Variants in DCAF5 observed in about 807,000 individuals in gnomAD.
DCAF5 encodes DDB1 and CUL4 associated factor 5, also known as DDB1- and CUL4-associated factor 5.
A neutral mutation model predicts 80.7 loss-of-function variants in DCAF5; 9 were observed. That is an observed-to-expected ratio of 0.11 (90% confidence interval 0.07 to 0.19). The LOEUF is 0.19. Ranked by LOEUF, DCAF5 falls within the 10% of genes least tolerant of loss-of-function variation. DCAF5 has a pLI of 1.00. For synonymous variants in DCAF5, 433 were observed against 461.9 expected (o/e 0.94, Z 0.80); for missense variants, 842 against 1,205.7 (o/e 0.70, Z 4.47).
At chr14:69,072,568 T>C (rs1273124800) in intron 7 of DCAF5, among the ~76,000 whole-genome samples, 3 of 146,194 alleles carry the variant, frequency 2.1e-5, no homozygotes, top group Non-Finnish European at 4.5e-5. Flanking sequence ...GCTATGATTG[T>C]GCCTGTGAAT....
At chr14:69,092,784 G>C (rs2039578330) in intron 5 of DCAF5, among the ~76,000 whole-genome samples, 1 of 152,142 alleles carries the variant, frequency 6.6e-6, no homozygotes, top group African/African-American at 2.4e-5. Flanking sequence ...AGAGCAAGCA[G>C]TGCAACAATT....
intron 1 of DCAF5, among the ~76,000 whole-genome samples, chr14:69,126,875 TAC>T (rs1451640379): frequency 6.6e-6 from 1 of 152,224 alleles, no homozygotes; most frequent in Non-Finnish European, 1.5e-5. Flanking sequence ...TGAATTTAGA[TAC>T]AGACTTTATA....
Position 69,054,068 on chromosome 14 carries a change from G to A in DCAF5, c.2618C>T (p.Ser873Phe), listed in dbSNP as rs2037852893. The A allele has an allele frequency of 6.2e-7, 1 of 1,614,074 alleles. No individual in the cohort carries two copies. The highest frequency in any genetic ancestry group is 1.1e-5 in the South Asian group (1 of 91,090). Reference protein sequence around the residue: ...GHSDTDRDNSSLTGTLLHKDC... With the variant: ...GHSDTDRDNSFLTGTLLHKDC... ...TTTGTGTAGGAGTGTCCCTGTCAGG[G>A]ACGAGTTATCACGGTCAGTGTCTGA... is the stretch of plus-strand genomic sequence containing the variant. Residue 873 changes from serine (S) to phenylalanine (F), a missense_variant, in exon 9 of 9, where the codon TCC becomes TTC. By Grantham distance (155) the Ser-to-Phe change is radical (BLOSUM62 -2). Around this residue, in one of 5 missense-constraint regions of DCAF5, gnomAD observed 607 missense variants for 656.6 expected, o/e 0.92. Transcript: ENST00000341516.
At chr14:69,138,660 T>C (rs1444410154) in intron 1 of DCAF5, among the ~76,000 whole-genome samples, 2 of 152,254 alleles carry the variant, frequency 1.3e-5, no homozygotes, top group Non-Finnish European at 2.9e-5. Flanking sequence ...TGTAACCTAC[T>C]GAGCAAATCA....
Position 69,119,176 on chromosome 14 carries a change from C to T in DCAF5, c.395+18G>A, listed in dbSNP as rs2040631184. On this transcript the variant is annotated intron_variant, in intron 3 of 8. Coordinates refer to ENST00000341516, the MANE Select transcript of DCAF5 (RefSeq NM_003861.3). Reference sequence around the variant, plus strand: ...AAAAACAAAGTCAATCACCTTCACACACCACCAATCTATTTACCTTTCAAC... The same window carrying T: ...AAAAACAAAGTCAATCACCTTCACATACCACCAATCTATTTACCTTTCAAC... The T allele has an allele frequency of 1.2e-6, 2 of 1,611,028 alleles. No individual in the cohort carries two copies. Among genetic ancestry groups the T allele is most frequent in the Admixed American group, 3.4e-5 (2 of 59,246 alleles).
chr14:69,072,623 TA>T (rs57781214), intron 7 of DCAF5, among the ~76,000 whole-genome samples: 29,958 of 116,166 alleles, frequency 0.26, 3,594 homozygotes, highest in Middle Eastern at 0.34. Context: ...ACCCTGACTT[TA>T]AAAAAAAAAA....
intron 8 of DCAF5, among the ~76,000 whole-genome samples, chr14:69,056,519 C>T (rs1164009560): frequency 6.6e-6 from 1 of 152,230 alleles, no homozygotes; most frequent in East Asian, 1.9e-4. Flanking sequence ...GAACGATTAG[C>T]TCCACCTGAC....
At chr14:69,116,310 T>G (rs1322553597) in intron 5 of DCAF5, 56 bp downstream of exon 5, 1 of 1,577,996 alleles carries the variant, frequency 6.3e-7, no homozygotes, top group East Asian at 2.3e-5. Flanking sequence ...CTGGTCACAT[T>G]ACCTGAGAAA....
chr14:69,151,595 AC>A (rs1225813686), intron 1 of DCAF5, among the ~76,000 whole-genome samples: 4 of 151,282 alleles, frequency 2.6e-5, no homozygotes, highest in East Asian at 1.9e-4. Context: ...AGCCGTCTTC[AC>A]CCCCCCTCCC....
In DCAF5 at chr14:69,055,629, A is replaced by G; in HGVS notation, c.1075-18T>C. ...CTCCAGATCTGAACAGAAAATGAAA[A>G]ACAAAAGCAACAAGGAGTAACTGGA... On this transcript the variant is annotated intron_variant, in intron 8 of 8. Coordinates refer to ENST00000341516, the MANE Select transcript of DCAF5 (RefSeq NM_003861.3). The surrounding 1 kb of genome is among the most constrained non-coding windows in gnomAD (Gnocchi z 5.6). The G allele has an allele frequency of 1.3e-6, 2 of 1,575,062 alleles. No individual in the cohort carries two copies.
chr14:69,147,855 C>T (rs1016702017), intron 1 of DCAF5, among the ~76,000 whole-genome samples: 1 of 152,124 alleles, frequency 6.6e-6, no homozygotes, highest in Admixed American at 6.5e-5. Flanking sequence ...TAACTCAAAA[C>T]TTCATACTTA....
intron 1 of DCAF5, 112 bp from the exon 2 acceptor site, chr14:69,122,472 A>G (rs752992657): frequency 2.3e-5 from 27 of 1,172,052 alleles, no homozygotes; most frequent in African/African-American, 7.6e-5. Flanking sequence ...CCCCAACTCC[A>G]TAAGATTCGC....
At chr14:69,113,281 T>A (rs1035801203) in intron 5 of DCAF5, among the ~76,000 whole-genome samples, 1 of 152,160 alleles carries the variant, frequency 6.6e-6, no homozygotes, top group African/African-American at 2.4e-5. Context: ...TTCACCCACA[T>A]GCCTGTGCAA....
At chr14:69,135,372 T>C (rs199987533) in intron 1 of DCAF5, among the ~76,000 whole-genome samples, 11 of 152,266 alleles carry the variant, frequency 7.2e-5, no homozygotes, top group East Asian at 3.9e-4. Context: ...GTAAAAATAA[T>C]TGTATCAAAT....
At position 69,062,396 on chromosome 14, in the gene DCAF5, T is replaced by C. The variant is rs1235605004; in HGVS notation, c.1062A>G (p.Glu354=). The change falls in exon 8 of 9, where the codon GAA becomes GAG. Residue 354 remains glutamate (E), a synonymous_variant. Coordinates refer to ENST00000341516, the MANE Select transcript of DCAF5 (RefSeq NM_003861.3). ...GAAGGTGCCTCACCTTGATAATCTT[T>C]TCTACACCAGAAGAGCAGATCATGT... The part of the protein sequence containing the change: ...HTYMICSSGV[E]KIIKIWSPYK... The C allele has an allele frequency of 6.2e-7, 1 of 1,613,810 alleles. No homozygotes were observed.
intron 7 of DCAF5, among the ~76,000 whole-genome samples, chr14:69,068,133 A>G (rs568129371): frequency 3.9e-5 from 6 of 152,310 alleles, no homozygotes; most frequent in Admixed American, 6.5e-5. Flanking sequence ...CATCGAGTGC[A>G]TATGTCTGTG....
At chr14:69,060,441 A>AAGTC (rs1161187545) in intron 8 of DCAF5, among the ~76,000 whole-genome samples, 3 of 152,240 alleles carry the variant, frequency 2.0e-5, no homozygotes, top group African/African-American at 7.2e-5. Flanking sequence ...GCTGCAATGA[A>AAGTC]AGTCAGCTCT....
At chr14:69,078,653 G>C (rs2038985765) in intron 6 of DCAF5, among the ~76,000 whole-genome samples, 1 of 152,180 alleles carries the variant, frequency 6.6e-6, no homozygotes, top group East Asian at 1.9e-4. Context: ...ACTGAAATAA[G>C]CCAGTCACAA....
At chr14:69,086,383 C>CA (rs1194635059) in intron 6 of DCAF5, among the ~76,000 whole-genome samples, 27 of 148,960 alleles carry the variant, frequency 1.8e-4, no homozygotes, top group Non-Finnish European at 2.1e-4. Flanking sequence ...ACAACGACAA[C>CA]AAAAAAACAT....
Sources: gnomAD v4.1 joint callset for allele counts (sites outside exome capture counted in the v4.1 genomes callset) on GRCh38, gnomAD v4.1.1 for gene constraint, gnomAD v4.1.1 regional missense constraint, Gnocchi (gnomAD v3.1) non-coding constraint, MANE v1.5 for transcripts, NCBI Gene and HGNC (gene_info 2026-07-23, HGNC 2026-07-21) for gene names.